The following DCLK3 variants were observed in gnomAD, a reference collection of about 807,000 sequenced individuals.
DCLK3 encodes doublecortin like kinase 3.
In DCLK3, 30 loss-of-function variants were observed where a neutral mutation model predicts 46.4. That is an observed-to-expected ratio of 0.65 (90% CI 0.48 to 0.88). The LOEUF is 0.88. DCLK3 is among the 40% of genes least tolerant of loss of function. The pLI is 0.00. For synonymous variants in DCLK3, 401 were observed against 339.2 expected, an observed-to-expected ratio of 1.18 and a Z score of -2.00; for missense variants, 846 against 907.1, an observed-to-expected ratio of 0.93 and a Z score of 0.87.
At chr3:36,725,435 G>A (rs563069949) in intron 2 of DCLK3, among the ~76,000 whole-genome samples, 11 of 152,192 alleles carry the variant, frequency 7.2e-5, no homozygotes, top group South Asian at 2.1e-4. Context: ...TGGGCAACAC[G>A]AGGAGACCCC....
intron 2 of DCLK3, among the ~76,000 whole-genome samples, chr3:36,728,493 C>G (rs946417904): frequency 6.6e-6 from 1 of 152,088 alleles, no homozygotes; most frequent in Admixed American, 6.5e-5. Flanking sequence ...TTGGATAGAA[C>G]GAAAGTAGGG....
At position 36,764,112 on chromosome 3, in the gene DCLK3, C is replaced by G; in HGVS notation, c.82+70G>C. On this transcript the variant is annotated intron_variant, in intron 1 of 4. Transcript: ENST00000636136. The surrounding 1 kb of genome is among the most constrained non-coding windows in gnomAD (Gnocchi z 4.9). Reference sequence around the variant, plus strand: ...CACGGAGCGGGGTCCAGAGTTAGGGCGAATGAGTCCTCCCGCCCCCGCCAA... The same window carrying G: ...CACGGAGCGGGGTCCAGAGTTAGGGGGAATGAGTCCTCCCGCCCCCGCCAA... 3.3e-6 allele frequency: 1 copy of G among 303,278 alleles called. No individual in the cohort carries two copies. The highest frequency in any genetic ancestry group is 4.9e-5 in the East Asian group (1 of 20,452). The allele number at this position is 303,278 out of a possible 1,614,324, so 18.8% of individuals were successfully genotyped here.
Position 36,725,015 on chromosome 3 carries a change from T to TAA in DCLK3, c.1960-3358_1960-3357dup, listed in dbSNP as rs747789503. Among the ~76,000 whole-genome samples, 406 of 142,528 alleles carry TAA rather than the reference T, an allele frequency of 2.8e-3. 2 individuals are homozygous for TAA. Among genetic ancestry groups the TAA allele is most frequent in the Non-Finnish European group, 4.2e-3 (276 of 66,104 alleles). The allele number at this position is 142,528 out of a possible 152,430, so 93.5% of individuals were successfully genotyped here. A position where few individuals can be genotyped will look rare whatever the true frequency, so the allele number is the denominator to read the frequency against. On this transcript the variant is annotated intron_variant, in intron 2 of 4. Transcript: ENST00000636136. ...TCTGAGCCTCTGTTTTCTCATTTGT[T>TAA]AAAAAAAAAAAAAAATGGGCCGGGC... is the stretch of plus-strand genomic sequence containing the variant.
At chr3:36,762,651 G>A (rs1047191089) in intron 1 of DCLK3, among the ~76,000 whole-genome samples, 18 of 152,156 alleles carry the variant, frequency 1.2e-4, no homozygotes, top group Non-Finnish European at 7.3e-5. Context: ...CCTGTTCTGA[G>A]TCCCTACAAA....
Position 36,738,787 on chromosome 3 carries a change from G to C in DCLK3, c.380C>G (p.Ala127Gly). 8.5e-7 allele frequency: 1 copy of C among 1,172,004 alleles called. No individual in the cohort carries two copies. The highest frequency in any genetic ancestry group is 2.9e-5 in the East Asian group (1 of 35,068). 72.6% of individuals were successfully genotyped at this position (1,172,004 alleles called of 1,614,324 possible). A position where few individuals can be genotyped will look rare whatever the true frequency, so the allele number is the denominator to read the frequency against. ...AGAGCCCAAGGCTTCTGAGATGTCA[G>C]CTAAGAGCTGCTCGAACGTCTGCAC... ...RSVQTFEQLL[A>G]DISEALGSPR... Residue 127 changes from alanine (A) to glycine (G), a missense_variant, in exon 2 of 5, where the codon GCT becomes GGT. Ala to Gly is a moderately conservative substitution (Grantham distance 60, BLOSUM62 0). Around this residue, in one of 3 missense-constraint regions of DCLK3, gnomAD observed 553 missense variants for 543.0 expected, o/e 1.02. Transcript: ENST00000636136.
chr3:36,751,063 TAAAAAAAAAA>T (rs5847933), intron 1 of DCLK3, among the ~76,000 whole-genome samples: 2 of 76,476 alleles, frequency 2.6e-5, no homozygotes, highest in African/African-American at 5.6e-5. Flanking sequence ...CGGGATGATC[TAAAAAAAAAA>T]AAAAAAAAAA....
At chr3:36,749,800 A>G (rs1701423863) in intron 1 of DCLK3, among the ~76,000 whole-genome samples, 2 of 152,254 alleles carry the variant, frequency 1.3e-5, no homozygotes, top group Non-Finnish European at 2.9e-5. Flanking sequence ...TCCAACACAT[A>G]ATTAAATGGC....
Position 36,737,430 on chromosome 3 carries a change from A to G in DCLK3, c.1737T>C (p.Ser579=). The change falls in exon 2 of 5, where the codon TCT becomes TCC. Residue 579 remains serine, a synonymous_variant. Transcript: ENST00000636136. This position sits in a 1 kb window ranked among gnomAD's most constrained non-coding sequence, Gnocchi z 4.4. ...DSEILIIQSL[S]HPNIVKLHEV... ...CATGCAATTTCACGATGTTGGGGTG[A>G]GAGAGGCTCTGGATGATCAAGATCT... 1 of 1,614,210 alleles carries G rather than the reference A, an allele frequency of 6.2e-7. No homozygotes were observed. Among genetic ancestry groups the G allele is most frequent in the Non-Finnish European group, 8.5e-7 (1 of 1,180,038 alleles).
chr3:36,728,001 C>T (rs1482614215), intron 2 of DCLK3, among the ~76,000 whole-genome samples: 2 of 152,202 alleles, frequency 1.3e-5, no homozygotes, highest in African/African-American at 4.8e-5. Context: ...CTCAAACCTC[C>T]ACCCAAACAA....
At chr3:36,753,158 A>G (rs190248770) in intron 1 of DCLK3, among the ~76,000 whole-genome samples, 1 of 152,344 alleles carries the variant, frequency 6.6e-6, no homozygotes, top group Non-Finnish European at 1.5e-5. Flanking sequence ...CTCCAGATGG[A>G]GACAGCTAGC....
chr3:36,751,901 G>A (rs531310414), intron 1 of DCLK3, among the ~76,000 whole-genome samples: 8 of 152,210 alleles, frequency 5.3e-5, no homozygotes, highest in African/African-American at 1.2e-4. Flanking sequence ...ATCAGAATGC[G>A]CTGGGTGATC....
chr3:36,717,854 C>T (rs1314382879), intron 4 of DCLK3, among the ~76,000 whole-genome samples, 156 bp downstream of exon 4: 2 of 152,150 alleles, frequency 1.3e-5, no homozygotes, highest in Non-Finnish European at 2.9e-5. Flanking sequence ...TTTCAGAGTG[C>T]TACACAAACC....
Position 36,715,192 on chromosome 3 carries a change from A to T in DCLK3, c.*136T>A. The stretch of plus-strand genomic sequence containing the variant: ...TGACTTAATTTTTTTAATATGCTTT[A>T]AAATATACTCAGTGTCTCTCCCTCT... On this transcript the variant is annotated 3_prime_UTR_variant, in exon 5 of 5. Transcript: ENST00000636136. The T allele has an allele frequency of 2.1e-6, 2 of 968,172 alleles. No homozygotes were observed. The highest frequency in any genetic ancestry group is 2.9e-6 in the Non-Finnish European group (2 of 683,868). The allele number at this position is 968,172 out of a possible 1,614,324, so 60.0% of individuals were successfully genotyped here.
At position 36,738,729 on chromosome 3, in the gene DCLK3, C is replaced by T; in HGVS notation, c.438G>A (p.Leu146=). Residue 146 remains leucine, a synonymous_variant, in exon 2 of 5, where the codon CTG becomes CTA. Coordinates refer to ENST00000636136, the MANE Select transcript of DCLK3 (RefSeq NM_001394672.2). The part of the protein sequence containing the change: ...PRWKNDRVRK[L]FNLKGREIRS... ...TGATTTCCCTGCCCTTGAGGTTAAA[C>T]AGTTTCCTCACACGGTCATTCTTCC... The T allele has an allele frequency of 7.6e-7, 1 of 1,313,396 alleles. No homozygotes were observed. The highest frequency in any genetic ancestry group is 3.1e-5 in the South Asian group (1 of 32,506). 81.4% of individuals were successfully genotyped at this position (1,313,396 alleles called of 1,614,324 possible). A position where few individuals can be genotyped will look rare whatever the true frequency, so the allele number is the denominator to read the frequency against.
intron 1 of DCLK3, among the ~76,000 whole-genome samples, chr3:36,749,777 G>C (rs1701423675): frequency 6.6e-6 from 1 of 152,148 alleles, no homozygotes; most frequent in Non-Finnish European, 1.5e-5. Context: ...TTCTTGATAA[G>C]ACAACCTCCA....
chr3:36,736,256 G>T lies in DCLK3; in HGVS notation c.1959+952C>A, dbSNP rs557187688. Among the ~76,000 whole-genome samples the T allele has an allele frequency of 1.1e-4, 17 of 152,312 alleles. No individual in the cohort carries two copies. The South Asian group carries it at 1.5e-3, about 13-fold the overall frequency. ...GCTCTGGGCTGGATAGTGTCAGCAC[G>T]TGGGGGTAATTCTATAATCAGGTAT... On this transcript the variant is annotated intron_variant, in intron 2 of 4. Coordinates refer to ENST00000636136, the MANE Select transcript of DCLK3 (RefSeq NM_001394672.2).
At chr3:36,742,820 A>G (rs1701357220) in intron 1 of DCLK3, among the ~76,000 whole-genome samples, 1 of 152,182 alleles carries the variant, frequency 6.6e-6, no homozygotes, top group Admixed American at 6.5e-5. Context: ...CAAACAGCAG[A>G]AAGAGCACAG....
intron 3 of DCLK3, among the ~76,000 whole-genome samples, chr3:36,718,752 T>TA (rs1388857735): frequency 6.6e-6 from 1 of 152,210 alleles, no homozygotes; most frequent in Admixed American, 6.5e-5. Flanking sequence ...AAATATCATT[T>TA]ACTGGCTTTT....
intron 1 of DCLK3, among the ~76,000 whole-genome samples, chr3:36,760,972 G>T (rs746596507): frequency 4.6e-5 from 7 of 152,196 alleles, no homozygotes; most frequent in Non-Finnish European, 8.8e-5. Context: ...GGTTTGAGGG[G>T]CCAGAGCCCA....
Sources: gnomAD v4.1 joint callset for allele counts (sites outside exome capture counted in the v4.1 genomes callset) on GRCh38, gnomAD v4.1.1 for gene constraint, gnomAD v4.1.1 regional missense constraint, Gnocchi (gnomAD v3.1) non-coding constraint, MANE v1.5 for transcripts, NCBI Gene and HGNC (gene_info 2026-07-23, HGNC 2026-07-21) for gene names.